Variants in UQCRC2 observed in about 807,000 individuals in gnomAD.
UQCRC2 encodes ubiquinol-cytochrome c reductase core protein 2, also known as cytochrome b-c1 complex subunit 2, mitochondrial.
In UQCRC2, 49 loss-of-function variants were observed where a neutral mutation model predicts 55.6. That is an observed-to-expected ratio of 0.88 (90% CI 0.70 to 1.12). The LOEUF is 1.12. Ranked by LOEUF, UQCRC2 falls within the 50% of genes most tolerant of loss-of-function variation. The pLI is 0.00. For missense variants in UQCRC2, 506 were observed against 547.8 expected (o/e 0.92, Z 0.76); for synonymous variants, 193 against 192.0 (o/e 1.01, Z -0.04).
In UQCRC2 at chr16:21,972,014, T is replaced by TA; in HGVS notation, c.859dup (p.Ser287LysfsTer36). 6.2e-7 allele frequency: 1 copy of TA among 1,614,180 alleles called. No individual in the cohort carries two copies. The highest frequency in any genetic ancestry group is 1.1e-5 in the South Asian group (1 of 91,078). On this transcript the variant is annotated frameshift_variant, in exon 10 of 14. Coordinates refer to ENST00000268379, the MANE Select transcript of UQCRC2 (RefSeq NM_003366.4). LOFTEE classifies it high-confidence loss of function. Reference sequence around the variant, plus strand: ...CGGGAAGTGCAGAGGCAAATGCATTTAGTGTTCTTCAGCATGTCCTCGGTG... The same window carrying TA: ...CGGGAAGTGCAGAGGCAAATGCATTTAAGTGTTCTTCAGCATGTCCTCGGTG...
chr16:21,981,043 T>C (rs1448461381), intron 13 of UQCRC2, among the ~76,000 whole-genome samples: 2 of 152,218 alleles, frequency 1.3e-5, no homozygotes, highest in African/African-American at 4.8e-5. Context: ...AATGGGCTTA[T>C]GTTAGATGAC....
At chr16:21,966,150 C>T (rs1203943439) in intron 7 of UQCRC2, among the ~76,000 whole-genome samples, 1 of 140,416 alleles carries the variant, frequency 7.1e-6, no homozygotes, top group Non-Finnish European at 1.6e-5. Flanking sequence ...CCTGTCTCTA[C>T]AAAAAAAAAA....
chr16:21,962,848 G>A lies in UQCRC2; in HGVS notation c.477G>A (p.Lys159=). 6.2e-7 allele frequency: 1 copy of A among 1,614,152 alleles called. No individual in the cohort carries two copies. The highest frequency in any genetic ancestry group is 8.5e-7 in the Non-Finnish European group (1 of 1,180,024). The change falls in exon 6 of 14, where the codon AAG becomes AAA. Residue 159 remains lysine, a synonymous_variant. Coordinates refer to ENST00000268379, the MANE Select transcript of UQCRC2 (RefSeq NM_003366.4). ...TAGCTGACCTTCAGCCTCAGCTAAA[G>A]ATTGACAAAGCTGTGGCCTTTCAGA... ...WEVADLQPQL[K]IDKAVAFQNP... is the part of the protein sequence containing the mutation.
At chr16:21,972,213 C>A in intron 10 of UQCRC2, 91 bp downstream of exon 10, 1 of 1,442,670 alleles carries the variant, frequency 6.9e-7, no homozygotes, top group Non-Finnish European at 9.4e-7. Flanking sequence ...AAATGTAAGA[C>A]AAACACACAG....
chr16:21,965,228 C>T (rs1832273227), intron 6 of UQCRC2, among the ~76,000 whole-genome samples, 180 bp from the exon 7 acceptor site: 1 of 152,170 alleles, frequency 6.6e-6, no homozygotes, highest in Admixed American at 6.5e-5. Context: ...TTTCTCAGCA[C>T]ATTCTACTGG....
chr16:21,979,983 A>C (rs1478067547), intron 12 of UQCRC2, among the ~76,000 whole-genome samples: 2 of 152,216 alleles, frequency 1.3e-5, no homozygotes, highest in African/African-American at 4.8e-5. Flanking sequence ...CTTATGTTAG[A>C]AGACTTTTGC....
intron 3 of UQCRC2, 99 bp downstream of exon 3, chr16:21,957,665 T>A: frequency 6.8e-7 from 1 of 1,467,336 alleles, no homozygotes; most frequent in Non-Finnish European, 9.1e-7. Context: ...TTTGATTCCT[T>A]GACCTGCCAT....
chr16:21,958,697 A>G, intron 4 of UQCRC2, 98 bp downstream of exon 4: 2 of 1,025,480 alleles, frequency 2.0e-6, no homozygotes, highest in Non-Finnish European at 2.9e-6. Context: ...GGATTTCTTA[A>G]GCAACATAAG....
At chr16:21,954,901 AAAT>A (rs1409845268) in intron 1 of UQCRC2, among the ~76,000 whole-genome samples, 1 of 151,386 alleles carries the variant, frequency 6.6e-6, no homozygotes, top group East Asian at 1.9e-4. Context: ...AAAAAAAAAA[AAAT>A]AGCCGGGCGT....
At chr16:21,972,267 T>C (rs1439771761) in intron 10 of UQCRC2, 145 bp downstream of exon 10, 2 of 1,109,344 alleles carry the variant, frequency 1.8e-6, no homozygotes, top group African/African-American at 1.6e-5. Flanking sequence ...TTGATTTTAG[T>C]ATCTTTGAAG....
At chr16:21,957,695 G>T in intron 3 of UQCRC2, 129 bp downstream of exon 3, 2 of 1,360,484 alleles carry the variant, frequency 1.5e-6, no homozygotes, top group Non-Finnish European at 2.0e-6. Flanking sequence ...CCACGGACTG[G>T]GTAGCTTAAA....
intron 2 of UQCRC2, 32 bp downstream of exon 2, chr16:21,957,350 A>C: frequency 6.2e-7 from 1 of 1,614,044 alleles, no homozygotes; most frequent in Non-Finnish European, 8.5e-7. Flanking sequence ...GCTGGAAGCT[A>C]TACATGCCTT....
intron 7 of UQCRC2, 71 bp downstream of exon 7, chr16:21,965,576 G>T: frequency 7.7e-7 from 1 of 1,293,046 alleles, no homozygotes. Flanking sequence ...TTTCAGGTTT[G>T]TTTGTTAATT....
chr16:21,965,443 A>C lies in UQCRC2; in HGVS notation c.550A>C (p.Asn184His). The C allele has an allele frequency of 1.2e-6, 2 of 1,613,938 alleles. No individual in the cohort carries two copies. The highest frequency in any genetic ancestry group is 1.7e-6 in the Non-Finnish European group (2 of 1,179,928). The stretch of plus-strand genomic sequence containing the variant: ...AAATTTGCATGCAGCAGCTTACCGG[A>C]ATGCCTTGGCTAATCCCTTGTATTG... ...IENLHAAAYRNALANPLYCPD... is the reference protein window; with the variant it reads ...IENLHAAAYRHALANPLYCPD... The change falls in exon 7 of 14, where the codon AAT (asparagine) becomes CAT (histidine). Residue 184 changes from asparagine to histidine, a missense_variant. By Grantham distance (68) the Asn-to-His change is moderately conservative. Transcript: ENST00000268379.
intron 9 of UQCRC2, 128 bp downstream of exon 9, chr16:21,971,748 G>C: frequency 7.6e-7 from 1 of 1,319,678 alleles, no homozygotes; most frequent in South Asian, 1.3e-5. Flanking sequence ...GATGGCTTGG[G>C]TGTTGTATTT....
At chr16:21,966,322 G>T (rs1227921450) in intron 7 of UQCRC2, among the ~76,000 whole-genome samples, 1 of 152,042 alleles carries the variant, frequency 6.6e-6, no homozygotes, top group Admixed American at 6.6e-5. Context: ...GCCTCCGTTT[G>T]CTGGCTATAG....
At chr16:21,976,847 T>A (rs1898598385) in intron 12 of UQCRC2, 1 of 152,228 alleles carries the variant, frequency 6.6e-6, no homozygotes, top group Non-Finnish European at 1.5e-5. Context: ...GCAATGATTC[T>A]GTTTCCATTG....
At chr16:21,973,830 CTT>C (rs1341347758) in intron 10 of UQCRC2, 64 bp from the exon 11 acceptor site, 8 of 1,487,064 alleles carry the variant, frequency 5.4e-6, no homozygotes, top group Non-Finnish European at 6.5e-6. Context: ...TCTAGGCAAA[CTT>C]AAAGAAATCG....
chr16:21,974,633 A>G (rs541240788), intron 11 of UQCRC2, among the ~76,000 whole-genome samples: 1 of 152,298 alleles, frequency 6.6e-6, no homozygotes, highest in Non-Finnish European at 1.5e-5. Context: ...CAAGTAAGAA[A>G]TGAGAGGTTG....
Sources: allele counts gnomAD v4.1 joint callset (sites outside exome capture counted in the v4.1 genomes callset), GRCh38; gene constraint gnomAD v4.1.1; transcripts MANE v1.5; gene names NCBI Gene and HGNC (gene_info 2026-07-23, HGNC 2026-07-21).